The following EEA1 variants were observed in gnomAD, a reference collection of about 807,000 sequenced individuals.
The protein encoded by EEA1 is early endosome antigen 1, 162kD.
EEA1 carries 111 observed loss-of-function variants against 209.2 expected under a neutral mutation model. That is an observed-to-expected ratio of 0.53 (90% confidence interval 0.45 to 0.62). The LOEUF (loss-of-function observed/expected upper bound fraction) is 0.62. Among genes scored for constraint, EEA1 ranks in the 20% least tolerant of loss-of-function variants. EEA1 has a pLI of 0.00. For synonymous variants in EEA1, 536 were observed against 540.6 expected, an observed-to-expected ratio of 0.99 and a Z score of 0.12; for missense variants, 1,343 against 1,530.8, an observed-to-expected ratio of 0.88 and a Z score of 2.05.
chr12:92,796,759 T>C (rs1874669493), intron 21 of EEA1, among the ~76,000 whole-genome samples: 1 of 152,148 alleles, frequency 6.6e-6, no homozygotes, highest in African/African-American at 2.4e-5. Flanking sequence ...TACACTGACA[T>C]TCTCAGGTCA....
At chr12:92,815,509 A>G (rs1360625004) in intron 15 of EEA1, among the ~76,000 whole-genome samples, 1 of 152,130 alleles carries the variant, frequency 6.6e-6, no homozygotes, top group African/African-American at 2.4e-5. Context: ...ATATTATTAT[A>G]TTCCGTCTTT....
intron 2 of EEA1, among the ~76,000 whole-genome samples, chr12:92,869,343 C>T (rs1470320056): frequency 1.3e-5 from 2 of 152,136 alleles, no homozygotes; most frequent in East Asian, 1.9e-4. Flanking sequence ...TTCAATACTT[C>T]CAGAGTTTGG....
At chr12:92,807,549 C>T (rs1014676581) in intron 18 of EEA1, among the ~76,000 whole-genome samples, 4 of 151,966 alleles carry the variant, frequency 2.6e-5, no homozygotes, top group African/African-American at 7.3e-5. Context: ...AAGAACTCTA[C>T]AAACAACAAC....
chr12:92,876,386 T>G (rs751347022), intron 2 of EEA1, among the ~76,000 whole-genome samples: 1 of 152,264 alleles, frequency 6.6e-6, no homozygotes, highest in East Asian at 1.9e-4. Flanking sequence ...TATGTTTTTA[T>G]TTTTGCCTAT....
At chr12:92,926,979 T>G (rs1881239470) in intron 1 of EEA1, among the ~76,000 whole-genome samples, 1 of 152,186 alleles carries the variant, frequency 6.6e-6, no homozygotes, top group Non-Finnish European at 1.5e-5. Flanking sequence ...CTTAATCAAC[T>G]GTTTCCTACC....
chr12:92,864,650 G>A (rs1403943904), intron 3 of EEA1, among the ~76,000 whole-genome samples: 1 of 152,018 alleles, frequency 6.6e-6, no homozygotes, highest in East Asian at 1.9e-4. Context: ...CATAACCTAT[G>A]TACCGTATTG....
At chr12:92,908,319 C>T (rs1880456191) in intron 1 of EEA1, among the ~76,000 whole-genome samples, 1 of 151,940 alleles carries the variant, frequency 6.6e-6, no homozygotes, top group African/African-American at 2.4e-5. Context: ...ACAGTGGGTT[C>T]AGGGGAGGGG....
rs1423410838 is a variant in EEA1, at chr12:92,865,226, G to C, written c.118-239C>G. Among the ~76,000 whole-genome samples the C allele has an allele frequency of 2.6e-5, 4 of 152,198 alleles. No homozygotes were observed. In the East Asian group the frequency reaches 7.7e-4, roughly 29 times the overall value. ...GCAACCATCTTTTATTTTTAGGTCAGATAAATTAATAGCTGGAGTACCCAA... is the reference window on the plus strand; with the variant it reads ...GCAACCATCTTTTATTTTTAGGTCACATAAATTAATAGCTGGAGTACCCAA... On this transcript the variant is annotated intron_variant, in intron 2 of 28. Coordinates refer to ENST00000322349, the MANE Select transcript of EEA1 (RefSeq NM_003566.4).
chr12:92,805,402 A>G (rs983510795), intron 18 of EEA1, among the ~76,000 whole-genome samples: 1 of 152,152 alleles, frequency 6.6e-6, no homozygotes, highest in Non-Finnish European at 1.5e-5. Flanking sequence ...CAACTTAATC[A>G]TCAACTCTGA....
At chr12:92,900,412 C>T (rs796489570) in intron 1 of EEA1, among the ~76,000 whole-genome samples, 5 of 150,942 alleles carry the variant, frequency 3.3e-5, no homozygotes, top group African/African-American at 1.2e-4. Flanking sequence ...CTAAATTTAT[C>T]CAGAGTATGT....
At chr12:92,819,160 G>A (rs1875930767) in intron 14 of EEA1, 148 bp downstream of exon 14, 1 of 597,606 alleles carries the variant, frequency 1.7e-6, no homozygotes, top group Non-Finnish European at 2.7e-6. Context: ...ACCTCTTAAG[G>A]TACATGAGAT....
intron 1 of EEA1, among the ~76,000 whole-genome samples, chr12:92,928,518 G>A (rs1005374895): frequency 2.0e-5 from 3 of 152,190 alleles, no homozygotes; most frequent in Non-Finnish European, 2.9e-5. Flanking sequence ...AGGCTAGGCC[G>A]GGGCTCACCA....
In EEA1 at chr12:92,775,353, T is replaced by C. The variant is rs1033891971; in HGVS notation, c.*658A>G. 1 of 151,758 alleles carries C rather than the reference T, an allele frequency of 6.6e-6. No individual in the cohort carries two copies. 9.4% of individuals were successfully genotyped at this position (151,758 alleles called of 1,614,324 possible). On this transcript the variant is annotated 3_prime_UTR_variant, in exon 29 of 29. Transcript: ENST00000322349. ...AACAAATTGATTTTACAGAGGTTTT[T>C]ATAAAATCCACCCAAGAAAATTTAA... is the stretch of plus-strand genomic sequence containing the variant.
At chr12:92,793,037 G>GA (rs1874483748) in intron 21 of EEA1, among the ~76,000 whole-genome samples, 2 of 151,944 alleles carry the variant, frequency 1.3e-5, no homozygotes, top group African/African-American at 4.8e-5. Context: ...AAAACCACAT[G>GA]GTATCTCAAT....
In EEA1 at chr12:92,771,030, G is replaced by A. The variant is rs938573375; in HGVS notation, c.*4981C>T. The A allele has an allele frequency of 7.5e-6, 1 of 134,200 alleles. No homozygotes were observed. The highest frequency in any genetic ancestry group is 2.4e-4 in the East Asian group (1 of 4,208). The allele number at this position is 134,200 out of a possible 1,614,324, so 8.3% of individuals were successfully genotyped here. A position where few individuals can be genotyped will look rare whatever the true frequency, so the allele number is the denominator to read the frequency against. On this transcript the variant is annotated 3_prime_UTR_variant, in exon 29 of 29. Coordinates refer to ENST00000322349, the MANE Select transcript of EEA1 (RefSeq NM_003566.4). Reference sequence around the variant, plus strand: ...GTGTGTGTGTGTGTGTGTTAGCACAGTACAGTCACTTAATTTTATTTGGCA... The same window carrying A: ...GTGTGTGTGTGTGTGTGTTAGCACAATACAGTCACTTAATTTTATTTGGCA...
rs1873578461 is a variant in EEA1 at position 92,774,607 on chromosome 12, A to G, written c.*1404T>C. The G allele has an allele frequency of 6.6e-6, 1 of 151,686 alleles. No individual in the cohort carries two copies. The highest frequency in any genetic ancestry group is 2.4e-5 in the African/African-American group (1 of 41,420). 9.4% of individuals were successfully genotyped at this position (151,686 alleles called of 1,614,324 possible). On this transcript the variant is annotated 3_prime_UTR_variant, in exon 29 of 29. Transcript: ENST00000322349. ...TAAGACTATGCTAAATTAAAGTTCG[A>G]TTCCATTGTTCAGCATACAAATAAG...
At chr12:92,892,625 AG>A (rs1879699582) in intron 1 of EEA1, among the ~76,000 whole-genome samples, 1 of 149,780 alleles carries the variant, frequency 6.7e-6, no homozygotes, top group Non-Finnish European at 1.5e-5. Context: ...TCCAGGCTGG[AG>A]CATAGTGGCA....
At chr12:92,797,909 G>T (rs758813029) in intron 21 of EEA1, among the ~76,000 whole-genome samples, 9 of 152,116 alleles carry the variant, frequency 5.9e-5, no homozygotes, top group Non-Finnish European at 1.0e-4. Flanking sequence ...TTAGCAGTAT[G>T]AAAGCCAACT....
In EEA1 at chr12:92,778,007, C is replaced by T. The variant is rs770860418; in HGVS notation, c.3827G>A (p.Gly1276Asp). ...CGTTGCTTCTAATACTGCAATTTCA[C>T]CCCGTAAGTCATCCGTTTGTTTCTC... is the stretch of plus-strand genomic sequence containing the variant. The part of the protein sequence containing the change: ...ELEKQTDDLR[G>D]EIAVLEATVQ... The change falls in exon 26 of 29, where the codon GGT (glycine) becomes GAT (aspartate). Residue 1276 changes from glycine (G) to aspartate (D), a missense_variant. Coordinates refer to ENST00000322349, the MANE Select transcript of EEA1 (RefSeq NM_003566.4). The T allele has an allele frequency of 1.2e-6, 2 of 1,613,478 alleles. No individual in the cohort carries two copies. Among genetic ancestry groups the T allele is most frequent in the East Asian group, 2.2e-5 (1 of 44,860 alleles).
Sources: allele counts gnomAD v4.1 joint callset (sites outside exome capture counted in the v4.1 genomes callset), GRCh38; gene constraint gnomAD v4.1.1; transcripts MANE v1.5; gene names NCBI Gene and HGNC (gene_info 2026-07-23, HGNC 2026-07-21).